The following ADGRV1 variants were observed in gnomAD, a reference collection of about 807,000 sequenced individuals.
ADGRV1 encodes the protein adhesion G protein-coupled receptor V1, also known as G-protein coupled receptor 98.
A neutral mutation model predicts 596.2 loss-of-function variants in ADGRV1; 359 were observed. That is an observed-to-expected ratio of 0.60 (90% confidence interval 0.55 to 0.66). The LOEUF (loss-of-function observed/expected upper bound fraction) is 0.66. Ranked by LOEUF, ADGRV1 falls within the 30% of genes least tolerant of loss-of-function variation. ADGRV1 has a pLI of 0.00. For synonymous variants in ADGRV1, 2,681 were observed against 2,679.2 expected (o/e 1.00, Z -0.02); for missense variants, 7,274 against 7,575.6 (o/e 0.96, Z 1.48).
intron 83 of ADGRV1, among the ~76,000 whole-genome samples, chr5:90,903,374 T>G (rs942914122): frequency 2.0e-5 from 3 of 152,080 alleles, no homozygotes; most frequent in Admixed American, 1.3e-4. Context: ...CCAAAGTTTA[T>G]TTTTTAAAAA....
At position 90,807,611 on chromosome 5, in the gene ADGRV1, C is replaced by G; in HGVS notation, c.14846C>G (p.Ser4949Ter). Residue 4949 changes from serine to a stop codon, truncating the protein, a stop_gained, in exon 73 of 90, where the codon TCA becomes TGA. Transcript: ENST00000405460. LOFTEE classifies it high-confidence loss of function. Reference sequence around the variant, plus strand: ...TCATGTTTTCTTTCAGGGAGCCTTTCATTTTCCCACGGTGAACAAAGGAAA... The same window carrying G: ...TCATGTTTTCTTTCAGGGAGCCTTTGATTTTCCCACGGTGAACAAAGGAAA... ...GNMTPTLGSL[S>*]FSHGEQRKGV... 6.2e-7 allele frequency: 1 copy of G among 1,611,510 alleles called. No homozygotes were observed. The highest frequency in any genetic ancestry group is 8.5e-7 in the Non-Finnish European group (1 of 1,178,404).
chr5:90,861,458 T>A (rs377208130), intron 82 of ADGRV1, among the ~76,000 whole-genome samples: 2 of 151,936 alleles, frequency 1.3e-5, no homozygotes, highest in Admixed American at 6.6e-5. Flanking sequence ...TACAGGTGCG[T>A]GCCACCATGC....
At chr5:91,087,557 C>T (rs1234275074) in intron 86 of ADGRV1, among the ~76,000 whole-genome samples, 1 of 152,078 alleles carries the variant, frequency 6.6e-6, no homozygotes, top group Non-Finnish European at 1.5e-5. Context: ...CTGCCTCGGC[C>T]TCCCGAAGTG....
chr5:91,075,476 G>T (rs1204609294), intron 86 of ADGRV1, among the ~76,000 whole-genome samples: 1 of 152,060 alleles, frequency 6.6e-6, no homozygotes, highest in African/African-American at 2.4e-5. Flanking sequence ...ATCAGAAAAA[G>T]ATAGCCCTCA....
intron 89 of ADGRV1, among the ~76,000 whole-genome samples, chr5:91,162,754 G>A (rs1259034617): frequency 6.6e-6 from 1 of 152,164 alleles, no homozygotes; most frequent in East Asian, 1.9e-4. Flanking sequence ...GTAGGCTCTG[G>A]CTTCCATCTC....
At chr5:90,914,072 T>C (rs1455945103) in intron 83 of ADGRV1, among the ~76,000 whole-genome samples, 2 of 152,162 alleles carry the variant, frequency 1.3e-5, no homozygotes, top group African/African-American at 4.8e-5. Context: ...AGCTGAATAA[T>C]ACAGTTTGAA....
intron 27 of ADGRV1, among the ~76,000 whole-genome samples, chr5:90,681,908 G>A (rs1027851978): frequency 7.3e-6 from 1 of 137,480 alleles, no homozygotes; most frequent in Non-Finnish European, 1.5e-5. Context: ...CGCTCTTGTT[G>A]CCCAGTGGAG....
At chr5:90,872,908 T>C (rs1205891250) in intron 83 of ADGRV1, among the ~76,000 whole-genome samples, 1 of 152,208 alleles carries the variant, frequency 6.6e-6, no homozygotes, top group Non-Finnish European at 1.5e-5. Context: ...ACTAAAGACT[T>C]CTCTTTAGTT....
At chr5:90,952,674 C>A (rs1360084022) in intron 83 of ADGRV1, among the ~76,000 whole-genome samples, 3 of 152,264 alleles carry the variant, frequency 2.0e-5, no homozygotes, top group Non-Finnish European at 2.9e-5. Context: ...GACTTGAACT[C>A]AGGTGAGCTG....
At chr5:90,885,831 G>T (rs757762058) in intron 83 of ADGRV1, among the ~76,000 whole-genome samples, 1 of 151,804 alleles carries the variant, frequency 6.6e-6, no homozygotes, top group Non-Finnish European at 1.5e-5. Context: ...CTTAATACTC[G>T]GGTCTTGAGG....
intron 85 of ADGRV1, among the ~76,000 whole-genome samples, chr5:91,000,096 T>C (rs900899608): frequency 6.6e-6 from 1 of 152,158 alleles, no homozygotes; most frequent in South Asian, 2.1e-4. Context: ...ATCCTCATCA[T>C]TCAGATATAA....
At chr5:90,752,788 T>C (rs1320698424) in intron 53 of ADGRV1, among the ~76,000 whole-genome samples, 1 of 152,222 alleles carries the variant, frequency 6.6e-6, no homozygotes, top group Non-Finnish European at 1.5e-5. Flanking sequence ...AGCAAAGACA[T>C]GGAATCAACC....
At chr5:91,099,436 G>A (rs969221203) in intron 86 of ADGRV1, among the ~76,000 whole-genome samples, 1 of 152,136 alleles carries the variant, frequency 6.6e-6, no homozygotes, top group Non-Finnish European at 1.5e-5. Flanking sequence ...CCAAGCCTCG[G>A]TGTCAGAAGC....
intron 29 of ADGRV1, among the ~76,000 whole-genome samples, chr5:90,689,074 T>G (rs1237056066): frequency 6.6e-6 from 1 of 152,194 alleles, no homozygotes; most frequent in Non-Finnish European, 1.5e-5. Flanking sequence ...TCTAGTGTGC[T>G]TTCAGAGGAA....
At chr5:90,679,772 A>G in intron 26 of ADGRV1, 143 bp downstream of exon 26, 1 of 559,012 alleles carries the variant, frequency 1.8e-6, no homozygotes, top group Non-Finnish European at 3.2e-6. Flanking sequence ...CAGAAACTTT[A>G]TGAAGTATGA....
chr5:91,150,295 C>G lies in ADGRV1; in HGVS notation c.18624+74C>G, dbSNP rs944518111. On this transcript the variant is annotated intron_variant, in intron 88 of 89. Coordinates refer to ENST00000405460, the MANE Select transcript of ADGRV1 (RefSeq NM_032119.4). ...TCTCTCTCTCTGTCTGTCTCTCTCT[C>G]TGTGTCTGTCTGTCTCATTGACAGG... 2.7e-5 allele frequency: 31 copies of G among 1,147,666 alleles called. No individual in the cohort carries two copies. In the African/African-American group the frequency reaches 2.8e-4, roughly 10 times the overall value. 71.1% of individuals were successfully genotyped at this position (1,147,666 alleles called of 1,614,324 possible). A position where few individuals can be genotyped will look rare whatever the true frequency, so the allele number is the denominator to read the frequency against.
At chr5:90,726,294 G>T (rs1417543262) in intron 48 of ADGRV1, among the ~76,000 whole-genome samples, 1 of 152,116 alleles carries the variant, frequency 6.6e-6, no homozygotes, top group African/African-American at 2.4e-5. Flanking sequence ...ATAAGGTTTA[G>T]CTATTCCCTC....
chr5:90,999,463 G>T (rs938091026), intron 85 of ADGRV1, among the ~76,000 whole-genome samples: 1 of 151,966 alleles, frequency 6.6e-6, no homozygotes. Context: ...GAATCAGGAA[G>T]ATTAATGATT....
intron 33 of ADGRV1, among the ~76,000 whole-genome samples, chr5:90,696,710 C>T (rs1241918001): frequency 6.6e-6 from 1 of 151,954 alleles, no homozygotes; most frequent in Non-Finnish European, 1.5e-5. Flanking sequence ...TCAAAATGTC[C>T]TTCTCCACAA....
Sources: allele counts gnomAD v4.1 joint callset (sites outside exome capture counted in the v4.1 genomes callset), GRCh38; gene constraint gnomAD v4.1.1; transcripts MANE v1.5; gene names NCBI Gene and HGNC (gene_info 2026-07-23, HGNC 2026-07-21).